SGK1: variants seen among roughly 807,000 people sequenced by gnomAD.
The protein encoded by SGK1 is serum/glucocorticoid regulated kinase 1.
SGK1 carries 26 observed loss-of-function variants against 64.2 expected under a neutral mutation model. The observed-to-expected ratio is 0.40, with a 90% confidence interval of 0.30 to 0.56. The LOEUF is 0.56. Ranked by LOEUF, SGK1 falls within the 20% of genes least tolerant of loss-of-function variation. The pLI, the probability that SGK1 is intolerant of heterozygous loss-of-function variation, is 0.38. For missense variants in SGK1, 519 were observed against 645.6 expected (o/e 0.80, Z 2.12); for synonymous variants, 265 against 239.7 (o/e 1.11, Z -0.98).
At chr6:134,183,624 T>A (rs532194313) in intron 3 of SGK1, among the ~76,000 whole-genome samples, 2 of 152,330 alleles carry the variant, frequency 1.3e-5, no homozygotes, top group African/African-American at 4.8e-5. Context: ...CTTAATGTCA[T>A]TAAAGTACAG....
chr6:134,317,755 G>A lies in SGK1; in HGVS notation c.-295C>T, dbSNP rs1226222608. 2 of 340,080 alleles carry A rather than the reference G, an allele frequency of 5.9e-6. No individual in the cohort carries two copies. The highest frequency in any genetic ancestry group is 4.2e-5 in the African/African-American group (2 of 47,658). 21.1% of individuals were successfully genotyped at this position (340,080 alleles called of 1,614,324 possible). A position where few individuals can be genotyped will look rare whatever the true frequency, so the allele number is the denominator to read the frequency against. Reference sequence around the variant, plus strand: ...GGACGGTGGGATACGGCCAATCTCCGGGGAGATGCTGTGGCTCTTACCGAG... The same window carrying A: ...GGACGGTGGGATACGGCCAATCTCCAGGGAGATGCTGTGGCTCTTACCGAG... On this transcript the variant is annotated 5_prime_UTR_variant, in exon 1 of 14. Transcript: ENST00000367858.
intron 2 of SGK1, among the ~76,000 whole-genome samples, chr6:134,244,729 T>C (rs1425051866): frequency 6.6e-6 from 1 of 152,366 alleles, no homozygotes; most frequent in East Asian, 1.9e-4. Flanking sequence ...TTGGTCTTGC[T>C]GGGAGCTGCA....
chr6:134,235,954 A>G (rs185364335), intron 2 of SGK1, among the ~76,000 whole-genome samples: 115 of 151,964 alleles, frequency 7.6e-4, no homozygotes, highest in African/African-American at 2.6e-3. Flanking sequence ...TTTTTTTTCA[A>G]ACACAGCCTT....
chr6:134,305,564 C>A (rs1233955994), intron 1 of SGK1, among the ~76,000 whole-genome samples: 8 of 131,380 alleles, frequency 6.1e-5, no homozygotes, highest in Admixed American at 5.0e-4. Context: ...CAGAGCGAGA[C>A]CCTGTCTCAA....
intron 2 of SGK1, among the ~76,000 whole-genome samples, chr6:134,212,886 T>G (rs1775914853): frequency 6.6e-6 from 1 of 152,220 alleles, no homozygotes; most frequent in Admixed American, 6.5e-5. Context: ...TCCTTGAGGC[T>G]TTCGTATGAA....
intron 2 of SGK1, among the ~76,000 whole-genome samples, chr6:134,258,649 A>G (rs879795143): frequency 1.1e-4 from 16 of 152,052 alleles, no homozygotes; most frequent in Non-Finnish European, 2.9e-5. Flanking sequence ...AGATTCTAGT[A>G]AGCCGAGATC....
intron 2 of SGK1, among the ~76,000 whole-genome samples, chr6:134,234,983 G>T (rs911040794): frequency 2.6e-5 from 4 of 152,150 alleles, no homozygotes; most frequent in Non-Finnish European, 5.9e-5. Context: ...GACCAATGAG[G>T]AGAGGCAAAC....
At chr6:134,193,300 A>C (rs1775543920) in intron 3 of SGK1, among the ~76,000 whole-genome samples, 1 of 152,218 alleles carries the variant, frequency 6.6e-6, no homozygotes, top group African/African-American at 2.4e-5. Flanking sequence ...CTTTAAGTGA[A>C]ATAAAGTATA....
intron 1 of SGK1, among the ~76,000 whole-genome samples, chr6:134,301,530 TTTC>T (rs1290447248): frequency 9.7e-6 from 1 of 103,270 alleles, no homozygotes; most frequent in African/African-American, 3.5e-5. Flanking sequence ...TCTTTTCTCT[TTTC>T]TTCTCTTCTC....
At chr6:134,292,321 G>A (rs188371508) in intron 1 of SGK1, among the ~76,000 whole-genome samples, 4 of 152,184 alleles carry the variant, frequency 2.6e-5, no homozygotes, top group Admixed American at 2.0e-4. Flanking sequence ...GGCCGGGCGC[G>A]GTGGCTCATG....
intron 2 of SGK1, among the ~76,000 whole-genome samples, chr6:134,250,884 C>CCT (rs1203999881): frequency 1.3e-5 from 2 of 152,102 alleles, no homozygotes; most frequent in African/African-American, 4.8e-5. Flanking sequence ...AGCTGTCCTG[C>CCT]CTCAGCCTCT....
At chr6:134,191,568 G>A (rs1775509666) in intron 3 of SGK1, among the ~76,000 whole-genome samples, 1 of 152,106 alleles carries the variant, frequency 6.6e-6, no homozygotes, top group East Asian at 1.9e-4. Flanking sequence ...TTCTCTTTAA[G>A]TTCCACAGTT....
chr6:134,274,791 TTTC>T (rs1251868236), intron 1 of SGK1, among the ~76,000 whole-genome samples: 1 of 77,370 alleles, frequency 1.3e-5, no homozygotes, highest in African/African-American at 5.3e-5. Context: ...CTTTTAGTCT[TTTC>T]TTTTCTTTTC....
At chr6:134,213,609 T>C (rs1025115826) in intron 2 of SGK1, among the ~76,000 whole-genome samples, 16 of 33,314 alleles carry the variant, frequency 4.8e-4, no homozygotes, top group Non-Finnish European at 1.8e-4. Context: ...AGCAAAACTC[T>C]GTCTCAAAAT....
Position 134,172,520 on chromosome 6 carries a change from C to T in SGK1, c.947+142G>A, listed in dbSNP as rs921580066. 24 of 772,918 alleles carry T rather than the reference C, an allele frequency of 3.1e-5. No homozygotes were observed. The African/African-American group carries it at 4.0e-4, about 13-fold the overall frequency. The allele number at this position is 772,918 out of a possible 1,614,324, so 47.9% of individuals were successfully genotyped here. Reference sequence around the variant, plus strand: ...GCTGGTTCCCCCTTGGCACTTAAGTCAAGCCAGCTCACGTGCTAGGGGATC... The same window carrying T: ...GCTGGTTCCCCCTTGGCACTTAAGTTAAGCCAGCTCACGTGCTAGGGGATC... On this transcript the variant is annotated intron_variant, in intron 9 of 13. Coordinates refer to ENST00000367858, the MANE Select transcript of SGK1 (RefSeq NM_001143676.3).
intron 2 of SGK1, among the ~76,000 whole-genome samples, chr6:134,221,298 C>T (rs1037348949): frequency 1.3e-5 from 2 of 151,950 alleles, no homozygotes; most frequent in Admixed American, 6.6e-5. Flanking sequence ...AGTGAGACTC[C>T]GCCTCAAAAA....
At chr6:134,217,561 T>C (rs1776006272) in intron 2 of SGK1, among the ~76,000 whole-genome samples, 1 of 152,156 alleles carries the variant, frequency 6.6e-6, no homozygotes, top group African/African-American at 2.4e-5. Context: ...CCGGTCAAGA[T>C]GGAATGTGGC....
chr6:134,225,008 CA>C (rs779785039), intron 2 of SGK1, among the ~76,000 whole-genome samples: 14 of 39,820 alleles, frequency 3.5e-4, no homozygotes, highest in African/African-American at 6.6e-4. Flanking sequence ...GACTCCATCT[CA>C]AAAAAAAAAA....
intron 3 of SGK1, among the ~76,000 whole-genome samples, chr6:134,190,322 A>G (rs1407221641): frequency 7.3e-6 from 1 of 136,302 alleles, no homozygotes; most frequent in Non-Finnish European, 1.5e-5. Flanking sequence ...GTCTGGCTGT[A>G]TCACCCAGGC....
Sources: allele counts gnomAD v4.1 joint callset (sites outside exome capture counted in the v4.1 genomes callset), GRCh38; gene constraint gnomAD v4.1.1; transcripts MANE v1.5; gene names NCBI Gene and HGNC (gene_info 2026-07-23, HGNC 2026-07-21).